Variants in SCN3B observed in about 807,000 individuals in gnomAD.
SCN3B encodes sodium channel regulatory subunit beta-3.
A neutral mutation model predicts 25.4 loss-of-function variants in SCN3B; 11 were observed. The ratio of observed to expected loss-of-function variants is 0.43; its 90% confidence interval spans 0.27 to 0.72. The LOEUF (loss-of-function observed/expected upper bound fraction) is 0.72, where lower values mean the gene tolerates loss of function less well. Ranked by LOEUF, SCN3B falls within the 30% of genes least tolerant of loss-of-function variation. The pLI, the probability that SCN3B is intolerant of heterozygous loss-of-function variation, is 0.18. For missense variants in SCN3B, 218 were observed against 278.3 expected (o/e 0.78, Z 1.54); for synonymous variants, 109 against 110.7 (o/e 0.99, Z 0.09).
rs117946181 is a variant in SCN3B, at chr11:123,643,497, T to C, written c.220-826A>G. 1.5e-3 allele frequency among the ~76,000 whole-genome samples: 229 copies of C among 152,362 alleles called. No homozygotes were observed. The East Asian group carries it at 0.015, about 10-fold the overall frequency. The stretch of plus-strand genomic sequence containing the variant: ...TACTTAAATTCAATTTCTTAGAAGT[T>C]AAATACAATGTAAAATTCAGTTCCT... On this transcript the variant is annotated intron_variant, in intron 3 of 6. Transcript: ENST00000299333.
At chr11:123,636,845 C>T (rs1319063672) in intron 5 of SCN3B, among the ~76,000 whole-genome samples, 7 of 152,110 alleles carry the variant, frequency 4.6e-5, no homozygotes, top group Admixed American at 2.0e-4. Flanking sequence ...AGGCACCCGC[C>T]ACCATGCCCG....
chr11:123,636,052 G>T (rs1322160666), intron 5 of SCN3B, among the ~76,000 whole-genome samples: 1 of 152,192 alleles, frequency 6.6e-6, no homozygotes, highest in African/African-American at 2.4e-5. Flanking sequence ...TTACAATTGT[G>T]AGGTTTTACT....
chr11:123,648,457 G>A (rs570666872), intron 2 of SCN3B, among the ~76,000 whole-genome samples: 2 of 152,308 alleles, frequency 1.3e-5, no homozygotes, highest in East Asian at 3.9e-4. Flanking sequence ...TATACTGAGT[G>A]CCTTCTGGGT....
rs942450444 is a variant in SCN3B at position 123,634,134 on chromosome 11, G to C, written c.*9C>G. On this transcript the variant is annotated 3_prime_UTR_variant, in exon 6 of 7. Coordinates refer to ENST00000299333, the MANE Select transcript of SCN3B (RefSeq NM_001040151.2). ...CCTGTAGGTCACCTCATGTCACACT[G>C]CTCCTGTTCTATTCCTCCACTGGTA... 1 of 1,613,402 alleles carries C rather than the reference G, an allele frequency of 6.2e-7. No individual in the cohort carries two copies.
At position 123,642,363 on chromosome 11, in the gene SCN3B, C is replaced by A; in HGVS notation, c.445+83G>T. 1 of 1,317,588 alleles carries A rather than the reference C, an allele frequency of 7.6e-7. No individual in the cohort carries two copies. The highest frequency in any genetic ancestry group is 1.1e-6 in the Non-Finnish European group (1 of 912,876). 81.6% of individuals were successfully genotyped at this position (1,317,588 alleles called of 1,614,324 possible). A position where few individuals can be genotyped will look rare whatever the true frequency, so the allele number is the denominator to read the frequency against. ...CATGGGTTTTTGCACTCTTTAAGGG[C>A]CTCACTCGTGGAAAACTGCTGTCCT... On this transcript the variant is annotated intron_variant, in intron 4 of 6. Coordinates refer to ENST00000299333, the MANE Select transcript of SCN3B (RefSeq NM_001040151.2). This position sits in a 1 kb window ranked among gnomAD's most constrained non-coding sequence, Gnocchi z 4.3.
At chr11:123,636,357 T>G (rs1459392370) in intron 5 of SCN3B, among the ~76,000 whole-genome samples, 3 of 152,228 alleles carry the variant, frequency 2.0e-5, no homozygotes, top group Non-Finnish European at 1.5e-5. Flanking sequence ...GTATAGATAA[T>G]GATAATTTAG....
In SCN3B at chr11:123,653,794, G is replaced by C. The variant is rs747036314; in HGVS notation, c.8C>G (p.Ala3Gly). Reference protein sequence around the residue: MPAFNRLFPLASL... With the variant: MPGFNRLFPLASL... ...AGCCAGGGGAAACAATCTATTGAAG[G>C]CAGGCATCTTCTGGGGCTGGCGGCT... Residue 3 changes from alanine (A) to glycine (G), a missense_variant, in exon 2 of 7, where the codon GCC becomes GGC. By Grantham distance (60) the Ala-to-Gly change is moderately conservative (BLOSUM62 0). Coordinates refer to ENST00000299333, the MANE Select transcript of SCN3B (RefSeq NM_001040151.2). The C allele has an allele frequency of 2.5e-6, 4 of 1,614,220 alleles. No homozygotes were observed. The South Asian group carries it at 3.3e-5, about 13-fold the overall frequency.
intron 5 of SCN3B, among the ~76,000 whole-genome samples, chr11:123,636,674 C>T (rs1414271836): frequency 2.0e-5 from 3 of 148,536 alleles, no homozygotes; most frequent in African/African-American, 4.9e-5. Context: ...AACACTGTCT[C>T]TCCTCCATTC....
chr11:123,648,982 G>A (rs932025745), intron 2 of SCN3B, among the ~76,000 whole-genome samples: 1 of 152,204 alleles, frequency 6.6e-6, no homozygotes, highest in Non-Finnish European at 1.5e-5. Context: ...AGAATGATGG[G>A]ATCTAATTTG....
At position 123,642,645 on chromosome 11, in the gene SCN3B, C is replaced by T. The variant is rs777020833; in HGVS notation, c.246G>A (p.Gln82=). 3.1e-6 allele frequency: 5 copies of T among 1,613,934 alleles called. 1 individual carries two copies. In the South Asian group the frequency reaches 5.5e-5, roughly 18 times the overall value. Residue 82 remains glutamine, a synonymous_variant, in exon 4 of 7, where the codon CAG becomes CAA. Coordinates refer to ENST00000299333, the MANE Select transcript of SCN3B (RefSeq NM_001040151.2). The surrounding 1 kb of genome is among the most constrained non-coding windows in gnomAD (Gnocchi z 4.3). The part of the protein sequence containing the change: ...FLIYEYRNGH[Q]EVESPFQGRL... ...GCCCCTGAAAGGGGCTCTCCACCTC[C>T]TGGTGGCCATTCCGATACTCGTAAA...
chr11:123,632,182 A>C lies in SCN3B; in HGVS notation c.*1617T>G, dbSNP rs1955680049. 1 of 152,234 alleles carries C rather than the reference A, an allele frequency of 6.6e-6. No individual in the cohort carries two copies. The highest frequency in any genetic ancestry group is 2.1e-4 in the South Asian group (1 of 4,836). 9.4% of individuals were successfully genotyped at this position (152,234 alleles called of 1,614,324 possible). A position where few individuals can be genotyped will look rare whatever the true frequency, so the allele number is the denominator to read the frequency against. On this transcript the variant is annotated 3_prime_UTR_variant, in exon 7 of 7. Coordinates refer to ENST00000299333, the MANE Select transcript of SCN3B (RefSeq NM_001040151.2). The stretch of plus-strand genomic sequence containing the variant: ...GGGGAAAAAAATCTGAAAATTATGC[A>C]TTCATAGGCGAAGTATTTGGAAAGC...
chr11:123,654,065 GCGCTC>G (rs1955964295), intron 1 of SCN3B, 156 bp downstream of exon 1: 2 of 564,518 alleles, frequency 3.5e-6, no homozygotes, highest in South Asian at 2.0e-5. Context: ...GCTCTCGCCG[GCGCTC>G]AGCACCACGG....
At chr11:123,634,576 A>G (rs1955706276) in intron 5 of SCN3B, among the ~76,000 whole-genome samples, 1 of 152,186 alleles carries the variant, frequency 6.6e-6, no homozygotes, top group Non-Finnish European at 1.5e-5. Context: ...CCCTGTCTCT[A>G]CAAAAAATAC....
At chr11:123,651,656 G>A (rs779339158) in intron 2 of SCN3B, among the ~76,000 whole-genome samples, 6 of 152,180 alleles carry the variant, frequency 3.9e-5, no homozygotes, top group Non-Finnish European at 7.3e-5. Context: ...GAGCCACTGC[G>A]CCTGGCGAAG....
In SCN3B at chr11:123,642,025, T is replaced by G. The variant is rs534106068; in HGVS notation, c.445+421A>C. 2.6e-5 allele frequency among the ~76,000 whole-genome samples: 4 copies of G among 152,204 alleles called. No homozygotes were observed. In the East Asian group the frequency reaches 7.8e-4, roughly 30 times the overall value. On this transcript the variant is annotated intron_variant, in intron 4 of 6. Coordinates refer to ENST00000299333, the MANE Select transcript of SCN3B (RefSeq NM_001040151.2). This position sits in a 1 kb window ranked among gnomAD's most constrained non-coding sequence, Gnocchi z 4.3. ...TTGCTAAAGTTTGAGAACCCCTGGC[T>G]TAGAGGCATGTATTGCTTACAGGTA... is the stretch of plus-strand genomic sequence containing the variant.
At position 123,642,658 on chromosome 11, in the gene SCN3B, C is replaced by T. The variant is rs375545539; in HGVS notation, c.233G>A (p.Arg78Gln). ...GGKDFLIYEY[R>Q]NGHQEVESPF... ...GCTCTCCACCTCCTGGTGGCCATTC[C>T]GATACTCGTAAATCTGCAGATAGAG... Residue 78 changes from arginine (R) to glutamine (Q), a missense_variant, in exon 4 of 7, where the codon CGG becomes CAG. Transcript: ENST00000299333. The surrounding 1 kb of genome is among the most constrained non-coding windows in gnomAD (Gnocchi z 4.3). The T allele has an allele frequency of 1.3e-5, 21 of 1,613,766 alleles. No individual in the cohort carries two copies. The highest frequency in any genetic ancestry group is 4.5e-5 in the East Asian group (2 of 44,886).
rs1287164043 is a variant in SCN3B, at chr11:123,653,775, G to A, written c.27C>T (p.Pro9=). The A allele has an allele frequency of 1.9e-6, 3 of 1,614,126 alleles. No individual in the cohort carries two copies. In the African/African-American group the frequency reaches 4.0e-5, roughly 22 times the overall value. Residue 9 remains proline (P), a synonymous_variant, in exon 2 of 7, where the codon CCC becomes CCT. Coordinates refer to ENST00000299333, the MANE Select transcript of SCN3B (RefSeq NM_001040151.2). MPAFNRLF[P]LASLVLIYWV... ...AGTAGATAAGCACGAGAGAAGCCAG[G>A]GGAAACAATCTATTGAAGGCAGGCA... is the stretch of plus-strand genomic sequence containing the variant.
At chr11:123,652,346 G>T (rs1194517178) in intron 2 of SCN3B, among the ~76,000 whole-genome samples, 1 of 152,206 alleles carries the variant, frequency 6.6e-6, no homozygotes, top group Non-Finnish European at 1.5e-5. Flanking sequence ...CTGGTGATGA[G>T]TCCGCCTTTG....
At chr11:123,648,202 TAAG>T in intron 2 of SCN3B, among the ~76,000 whole-genome samples, 1 of 152,300 alleles carries the variant, frequency 6.6e-6, no homozygotes, top group East Asian at 1.9e-4. Context: ...AGAAGTGGAC[TAAG>T]AAGTCTCAAG....
Sources: allele counts gnomAD v4.1 joint callset (sites outside exome capture counted in the v4.1 genomes callset), GRCh38; gene constraint gnomAD v4.1.1; non-coding constraint Gnocchi (gnomAD v3.1); transcripts MANE v1.5; gene names NCBI Gene and HGNC (gene_info 2026-07-23, HGNC 2026-07-21).